RALYL: variants seen among roughly 807,000 people sequenced by gnomAD.
The protein encoded by RALYL is RNA-binding Raly-like protein.
RALYL carries 29 observed loss-of-function variants against 35.1 expected under a neutral mutation model. The observed-to-expected ratio is 0.83, with a 90% confidence interval of 0.61 to 1.13. RALYL has a LOEUF of 1.13. Ranked by LOEUF, RALYL falls within the 50% of genes most tolerant of loss-of-function variation. The pLI, the probability that RALYL is intolerant of heterozygous loss-of-function variation, is 0.00. For synonymous variants in RALYL, 120 were observed against 127.6 expected, an observed-to-expected ratio of 0.94 and a Z score of 0.40; for missense variants, 359 against 360.4, an observed-to-expected ratio of 1.00 and a Z score of 0.03.
At chr8:84,814,733 C>CTA (rs1027059373) in intron 4 of RALYL, among the ~76,000 whole-genome samples, 2 of 152,104 alleles carry the variant, frequency 1.3e-5, no homozygotes, top group Non-Finnish European at 2.9e-5. Flanking sequence ...TGATCTGCAA[C>CTA]TATATATATG....
chr8:84,492,113 A>C (rs1400363026), intron 1 of RALYL, among the ~76,000 whole-genome samples: 1 of 152,018 alleles, frequency 6.6e-6, no homozygotes, highest in East Asian at 1.9e-4. Flanking sequence ...CCACTTGCAA[A>C]ATAACTGAGA....
Position 84,324,591 on chromosome 8 carries a change from G to GTTTTT in RALYL, c.-24+140168_-24+140169insTTTTT, listed in dbSNP as rs145127532. Among the ~76,000 whole-genome samples the GTTTTT allele has an allele frequency of 3.3e-3, 497 of 151,244 alleles. 4 individuals are homozygous for GTTTTT. The highest frequency in any genetic ancestry group is 0.011 in the African/African-American group (442 of 41,148). ...GTTTATATTTTTTCAGTAAATAGTTGTGTTTTTTTTTGTAAACTTTTCCAG... is the reference window on the plus strand; with the variant it reads ...GTTTATATTTTTTCAGTAAATAGTTGTTTTTTGTTTTTTTTTGTAAACTTTTCCAG... On this transcript the variant is annotated intron_variant, in intron 1 of 8. Coordinates refer to ENST00000521268, the MANE Select transcript of RALYL (RefSeq NM_173848.7).
chr8:84,517,493 T>C (rs1423204299), intron 1 of RALYL, among the ~76,000 whole-genome samples: 2 of 152,206 alleles, frequency 1.3e-5, no homozygotes, highest in African/African-American at 4.8e-5. Context: ...CCAACATGCT[T>C]ACTTCAACAT....
intron 1 of RALYL, among the ~76,000 whole-genome samples, chr8:84,347,028 T>C (rs2130991137): frequency 6.6e-6 from 1 of 151,962 alleles, no homozygotes; most frequent in East Asian, 2.0e-4. Flanking sequence ...TGAAACCTCG[T>C]CCCTACTAAA....
chr8:84,615,784 C>T (rs1190240184), intron 2 of RALYL, among the ~76,000 whole-genome samples: 2 of 123,476 alleles, frequency 1.6e-5, no homozygotes, highest in Admixed American at 8.3e-5. Context: ...TGTGATGTTC[C>T]TCTTCCTGTG....
At chr8:84,529,158 C>T (rs2059107588) in intron 1 of RALYL, 141 bp from the exon 2 acceptor site, 1 of 787,678 alleles carries the variant, frequency 1.3e-6, no homozygotes. Context: ...TAATTTTATT[C>T]TCAAGAAAAT....
At chr8:84,373,091 AT>A (rs375123842) in intron 1 of RALYL, among the ~76,000 whole-genome samples, 31 of 147,332 alleles carry the variant, frequency 2.1e-4, no homozygotes, top group African/African-American at 3.5e-4. Flanking sequence ...TAATGGGGTT[AT>A]TTTTTTTTCT....
intron 4 of RALYL, among the ~76,000 whole-genome samples, chr8:84,837,671 T>C (rs1253512779): frequency 6.6e-6 from 1 of 152,160 alleles, no homozygotes; most frequent in East Asian, 1.9e-4. Context: ...AAAGAAACAG[T>C]GTGGATATAT....
At chr8:84,242,101 T>A (rs886746242) in intron 1 of RALYL, among the ~76,000 whole-genome samples, 14 of 152,096 alleles carry the variant, frequency 9.2e-5, no homozygotes, top group African/African-American at 3.1e-4. Context: ...GAACATACAG[T>A]GTTTGGATTT....
chr8:84,883,328 G>T (rs1471833456), intron 7 of RALYL, among the ~76,000 whole-genome samples: 2 of 151,938 alleles, frequency 1.3e-5, no homozygotes, highest in East Asian at 3.8e-4. Flanking sequence ...CTATGTCTAT[G>T]TACTATATAC....
intron 2 of RALYL, among the ~76,000 whole-genome samples, chr8:84,587,631 T>A (rs186236760): frequency 1.3e-5 from 2 of 152,300 alleles, no homozygotes; most frequent in South Asian, 2.1e-4. Flanking sequence ...AATTAAGGAT[T>A]TTTTGGACAA....
At chr8:84,671,556 C>G (rs1317708826) in intron 2 of RALYL, among the ~76,000 whole-genome samples, 3 of 152,168 alleles carry the variant, frequency 2.0e-5, no homozygotes, top group Non-Finnish European at 4.4e-5. Flanking sequence ...GCAGAGGCTC[C>G]CAAACTTCAA....
chr8:84,424,420 T>C, intron 1 of RALYL, among the ~76,000 whole-genome samples: 1 of 122,460 alleles, frequency 8.2e-6, no homozygotes, highest in East Asian at 2.2e-4. Context: ...TAAGCACTTC[T>C]CTGTATTGGT....
chr8:84,870,308 G>A (rs550240495), intron 6 of RALYL, among the ~76,000 whole-genome samples: 1 of 151,048 alleles, frequency 6.6e-6, no homozygotes, highest in East Asian at 1.9e-4. Context: ...ACCCAGGCTG[G>A]TGTGCAGTGG....
chr8:84,679,765 G>A, intron 2 of RALYL: 2 of 520,684 alleles, frequency 3.8e-6, no homozygotes, highest in South Asian at 1.4e-5. Flanking sequence ...TTTGGATTCA[G>A]CACTGATGAA....
At chr8:84,525,093 G>C (rs920020941) in intron 1 of RALYL, among the ~76,000 whole-genome samples, 2 of 139,460 alleles carry the variant, frequency 1.4e-5, no homozygotes, top group South Asian at 2.5e-4. Flanking sequence ...AGATTTGAAG[G>C]GTTCAAAAGT....
At chr8:84,418,612 C>T (rs1490932040) in intron 1 of RALYL, among the ~76,000 whole-genome samples, 1 of 152,052 alleles carries the variant, frequency 6.6e-6, no homozygotes, top group African/African-American at 2.4e-5. Flanking sequence ...TTCGTCCTTA[C>T]ATGAAATACC....
chr8:84,365,630 A>G (rs1304555142), intron 1 of RALYL, among the ~76,000 whole-genome samples: 1 of 152,222 alleles, frequency 6.6e-6, no homozygotes, highest in Non-Finnish European at 1.5e-5. Context: ...GCAGTGAGTT[A>G]CTTAGAATGG....
intron 2 of RALYL, among the ~76,000 whole-genome samples, chr8:84,726,733 G>T (rs1305579775): frequency 6.6e-6 from 1 of 151,762 alleles, no homozygotes; most frequent in South Asian, 2.1e-4. Context: ...TTTTTTTATG[G>T]CTCCAGCCCA....
Sources: allele counts gnomAD v4.1 joint callset (sites outside exome capture counted in the v4.1 genomes callset), GRCh38; gene constraint gnomAD v4.1.1; transcripts MANE v1.5; gene names NCBI Gene and HGNC (gene_info 2026-07-23, HGNC 2026-07-21).